Variants in CHRNA9 observed in about 807,000 individuals in gnomAD.
CHRNA9 encodes cholinergic receptor nicotinic alpha 9 subunit.
In CHRNA9, 24 loss-of-function variants were observed where a neutral mutation model predicts 36.8. That is an observed-to-expected ratio of 0.65 (90% confidence interval 0.47 to 0.92). The LOEUF (loss-of-function observed/expected upper bound fraction) is 0.92. Among genes scored for constraint, CHRNA9 ranks in the 40% least tolerant of loss-of-function variants. The pLI is 0.00. For synonymous variants in CHRNA9, 231 were observed against 231.8 expected (o/e 1.00, Z 0.03); for missense variants, 610 against 601.2 (o/e 1.01, Z -0.15).
chr4:40,354,276 G>A lies in CHRNA9; in HGVS notation c.1196G>A (p.Arg399His), dbSNP rs779308915. Residue 399 changes from arginine (R) to histidine (H), a missense_variant, in exon 5 of 5, where the codon CGC (arginine) becomes CAC (histidine). By Grantham distance (29) the Arg-to-His change is conservative (BLOSUM62 0). Coordinates refer to ENST00000310169, the MANE Select transcript of CHRNA9 (RefSeq NM_017581.4). Reference sequence around the variant, plus strand: ...TCCAGAAAGAAGGACATGAACAAACGCTTAAAGAACGACCTGGGCTGCCAG... The same window carrying A: ...TCCAGAAAGAAGGACATGAACAAACACTTAAAGAACGACCTGGGCTGCCAG... ...DLSRKKDMNK[R>H]LKNDLGCQGK... 7 of 1,614,042 alleles carry A rather than the reference G, an allele frequency of 4.3e-6. No individual in the cohort carries two copies. The highest frequency in any genetic ancestry group is 2.2e-5 in the East Asian group (1 of 44,886).
At chr4:40,346,676 G>C (rs547669562) in intron 3 of CHRNA9, among the ~76,000 whole-genome samples, 1 of 152,186 alleles carries the variant, frequency 6.6e-6, no homozygotes, top group South Asian at 2.1e-4. Context: ...GATCCTCTTG[G>C]GTATGGAGTG....
At chr4:40,336,028 T>C in intron 2 of CHRNA9, 56 bp downstream of exon 2, 1 of 1,457,178 alleles carries the variant, frequency 6.9e-7, no homozygotes, top group South Asian at 1.2e-5. Context: ...TAAACAACCA[T>C]GCTTTCTGAA....
intron 4 of CHRNA9, among the ~76,000 whole-genome samples, chr4:40,351,521 A>G (rs180820860): frequency 5.3e-4 from 80 of 152,168 alleles, no homozygotes; most frequent in African/African-American, 1.8e-3. Flanking sequence ...TCTTGAGAAC[A>G]TTTATTTAAC....
Position 40,354,414 on chromosome 4 carries a change from G to A in CHRNA9, c.1334G>A (p.Gly445Glu). 2 of 1,614,004 alleles carry A rather than the reference G, an allele frequency of 1.2e-6. No homozygotes were observed. Among genetic ancestry groups the A allele is most frequent in the Middle Eastern group, 1.6e-4 (1 of 6,062 alleles). The change falls in exon 5 of 5, where the codon GGG (glycine) becomes GAG (glutamate). Residue 445 changes from glycine (G) to glutamate (E), a missense_variant. Gly to Glu is a moderately conservative substitution (Grantham distance 98). Coordinates refer to ENST00000310169, the MANE Select transcript of CHRNA9 (RefSeq NM_017581.4). ...GACCACAAGGCCACCAATTCCAAGG[G>A]GAGTGAATGGAAGAAGGTGGCGAAA... is the stretch of plus-strand genomic sequence containing the variant. ...LKDHKATNSK[G>E]SEWKKVAKVI...
At chr4:40,342,664 T>C (rs757217229) in intron 3 of CHRNA9, among the ~76,000 whole-genome samples, 1 of 151,924 alleles carries the variant, frequency 6.6e-6, no homozygotes, top group Non-Finnish European at 1.5e-5. Flanking sequence ...CGGAAAGACA[T>C]CAAAAAGCAG....
chr4:40,351,076 G>A (rs573732222), intron 4 of CHRNA9, among the ~76,000 whole-genome samples: 14 of 151,164 alleles, frequency 9.3e-5, no homozygotes, highest in Non-Finnish European at 1.6e-4. Flanking sequence ...GGTAGCTCAC[G>A]CCTGTAATCC....
In CHRNA9 at chr4:40,335,430, G is replaced by A. The variant is rs749799862; in HGVS notation, c.-38G>A. On this transcript the variant is annotated 5_prime_UTR_variant, in exon 1 of 5. Transcript: ENST00000310169. ...ATAGGGGGAAGTGGAAGACCACGCT[G>A]CCTGACTGAGACTTTATTATAGAGG... The A allele has an allele frequency of 2.8e-5, 42 of 1,521,922 alleles. No homozygotes were observed. The highest frequency in any genetic ancestry group is 3.8e-5 in the Non-Finnish European group (42 of 1,095,650). 94.3% of individuals were successfully genotyped at this position (1,521,922 alleles called of 1,614,324 possible).
Position 40,337,344 on chromosome 4 carries a change from A to G in CHRNA9, c.345A>G (p.Pro115=). ...IRIPSDLVWR[P]DIVLYNKADD... The stretch of plus-strand genomic sequence containing the variant: ...TCCCCAGTGACCTCGTGTGGAGGCC[A>G]GACATCGTCTTATATAACAAGTAAG... The change falls in exon 3 of 5, where the codon CCA becomes CCG. Residue 115 remains proline, a synonymous_variant. Transcript: ENST00000310169. 1 of 1,614,250 alleles carries G rather than the reference A, an allele frequency of 6.2e-7. No individual in the cohort carries two copies. The highest frequency in any genetic ancestry group is 2.2e-5 in the East Asian group (1 of 44,894).
intron 4 of CHRNA9, 162 bp downstream of exon 4, chr4:40,349,576 A>G: frequency 1.6e-6 from 1 of 641,714 alleles, no homozygotes. Context: ...ATCTTTCAAT[A>G]TAGATGAGCC....
At chr4:40,339,927 A>G (rs1372462012) in intron 3 of CHRNA9, among the ~76,000 whole-genome samples, 1 of 152,062 alleles carries the variant, frequency 6.6e-6, no homozygotes, top group East Asian at 1.9e-4. Flanking sequence ...TCAGCCTCCC[A>G]AAGTGCTGGG....
In CHRNA9 at chr4:40,349,336, A is replaced by C. The variant is rs1712730731; in HGVS notation, c.820A>C (p.Thr274Pro). 7 of 1,614,114 alleles carry C rather than the reference A, an allele frequency of 4.3e-6. No homozygotes were observed. Among genetic ancestry groups the C allele is most frequent in the African/African-American group, 1.3e-5 (1 of 75,038 alleles). ...ASGEKVSLGV[T>P]ILLAMTVFQL... ...CGGAGAAAAGGTCTCCCTGGGAGTG[A>C]CCATCCTGTTGGCCATGACTGTATT... The change falls in exon 4 of 5, where the codon ACC (threonine) becomes CCC (proline). Residue 274 changes from threonine (T) to proline (P), a missense_variant. By Grantham distance (38) the Thr-to-Pro change is conservative (BLOSUM62 -1). Transcript: ENST00000310169.
At chr4:40,342,037 C>T (rs570251109) in intron 3 of CHRNA9, among the ~76,000 whole-genome samples, 1 of 152,200 alleles carries the variant, frequency 6.6e-6, no homozygotes, top group East Asian at 1.9e-4. Flanking sequence ...GCATGAGCCA[C>T]CATGCCTGGC....
chr4:40,348,994 A>G lies in CHRNA9; in HGVS notation c.478A>G (p.Thr160Ala). ...ITKSSCVVDV[T>A]YFPFDNQQCN... ...CAAAAGCTCCTGTGTGGTGGATGTC[A>G]CCTACTTCCCTTTTGACAACCAGCA... The change falls in exon 4 of 5, where the codon ACC (threonine) becomes GCC (alanine). Residue 160 changes from threonine to alanine, a missense_variant. Physicochemically the swap from Thr to Ala is moderately conservative, Grantham distance 58. Coordinates refer to ENST00000310169, the MANE Select transcript of CHRNA9 (RefSeq NM_017581.4). The G allele has an allele frequency of 6.2e-7, 1 of 1,614,156 alleles. No homozygotes were observed. The highest frequency in any genetic ancestry group is 8.5e-7 in the Non-Finnish European group (1 of 1,180,006).
At chr4:40,347,057 C>T (rs1043118704) in intron 3 of CHRNA9, among the ~76,000 whole-genome samples, 2 of 152,166 alleles carry the variant, frequency 1.3e-5, no homozygotes, top group Non-Finnish European at 2.9e-5. Context: ...AAGTGATCTA[C>T]CCACCTCGGC....
chr4:40,343,543 A>AATT (rs1484645456), intron 3 of CHRNA9, among the ~76,000 whole-genome samples: 10 of 152,192 alleles, frequency 6.6e-5, no homozygotes, highest in Non-Finnish European at 1.3e-4. Flanking sequence ...AACATGTGGG[A>AATT]ATTATGTGAG....
chr4:40,353,394 G>A (rs527944797), intron 4 of CHRNA9, among the ~76,000 whole-genome samples: 1 of 152,136 alleles, frequency 6.6e-6, no homozygotes, highest in East Asian at 1.9e-4. Flanking sequence ...GGGAGGCTGA[G>A]GCAGGAGAAT....
chr4:40,349,357 G>A lies in CHRNA9; in HGVS notation c.841G>A (p.Val281Ile), dbSNP rs773978359. The part of the protein sequence containing the change: ...LGVTILLAMT[V>I]FQLMVAEIMP... The stretch of plus-strand genomic sequence containing the variant: ...AGTGACCATCCTGTTGGCCATGACT[G>A]TATTTCAGCTAATGGTGGCAGAAAT... The change falls in exon 4 of 5, where the codon GTA (valine) becomes ATA (isoleucine). Residue 281 changes from valine to isoleucine, a missense_variant. Coordinates refer to ENST00000310169, the MANE Select transcript of CHRNA9 (RefSeq NM_017581.4). 16 of 1,613,974 alleles carry A rather than the reference G, an allele frequency of 9.9e-6. No individual in the cohort carries two copies. The African/African-American group carries it at 1.3e-4, about 13-fold the overall frequency.
intron 4 of CHRNA9, 43 bp from the exon 5 acceptor site, chr4:40,353,936 C>T (rs1712872613): frequency 6.5e-7 from 1 of 1,528,884 alleles, no homozygotes; most frequent in Non-Finnish European, 8.8e-7. Flanking sequence ...GTATGAGGAC[C>T]ATTTTAAAGC....
At chr4:40,345,251 G>A (rs1712606862) in intron 3 of CHRNA9, among the ~76,000 whole-genome samples, 1 of 152,148 alleles carries the variant, frequency 6.6e-6, no homozygotes, top group African/African-American at 2.4e-5. Context: ...GTCATGAAGT[G>A]ATTAAATAAT....
Sources: gnomAD v4.1 joint callset for allele counts (sites outside exome capture counted in the v4.1 genomes callset) on GRCh38, gnomAD v4.1.1 for gene constraint, MANE v1.5 for transcripts, NCBI Gene and HGNC (gene_info 2026-07-23, HGNC 2026-07-21) for gene names.